NLGN1: variants seen among roughly 807,000 people sequenced by gnomAD.
NLGN1 encodes the protein neuroligin 1, also known as neuroligin-1.
A neutral mutation model predicts 65.5 loss-of-function variants in NLGN1; 12 were observed. The ratio of observed to expected loss-of-function variants is 0.18; its 90% confidence interval spans 0.12 to 0.30. The LOEUF (loss-of-function observed/expected upper bound fraction) is 0.30. NLGN1 is among the 10% of genes least tolerant of loss of function. NLGN1 has a pLI of 1.00. For missense variants in NLGN1, 750 were observed against 1,007.1 expected (o/e 0.74, Z 3.46); for synonymous variants, 350 against 359.5 (o/e 0.97, Z 0.30).
chr3:173,880,051 T>C (rs545120361), intron 4 of NLGN1, among the ~76,000 whole-genome samples: 1 of 152,294 alleles, frequency 6.6e-6, no homozygotes, highest in South Asian at 2.1e-4. Flanking sequence ...TTCTTTCTCA[T>C]CTTAAAAATA....
chr3:174,258,856 A>T (rs1307086447), intron 4 of NLGN1, among the ~76,000 whole-genome samples: 10 of 152,108 alleles, frequency 6.6e-5, no homozygotes, highest in Non-Finnish European at 1.5e-5. Context: ...AAAGAAAGGG[A>T]AGGGAGGAAA....
intron 5 of NLGN1, among the ~76,000 whole-genome samples, chr3:174,277,449 G>T (rs1032250192): frequency 6.6e-6 from 1 of 151,496 alleles, no homozygotes; most frequent in Non-Finnish European, 1.5e-5. Context: ...AATCTTTTTC[G>T]GTATATTTAG....
At chr3:174,193,370 A>C (rs1354338358) in intron 4 of NLGN1, among the ~76,000 whole-genome samples, 1 of 152,166 alleles carries the variant, frequency 6.6e-6, no homozygotes, top group Non-Finnish European at 1.5e-5. Context: ...CCCTCCTGCC[A>C]AAGTTGGGAG....
Position 174,086,183 on chromosome 3 carries a change from A to G in NLGN1, c.647-189132A>G, listed in dbSNP as rs754222183. Among the ~76,000 whole-genome samples the G allele has an allele frequency of 1.4e-3, 206 of 143,978 alleles. No homozygotes were observed. The Middle Eastern group carries it at 0.018, about 13-fold the overall frequency. The allele number at this position is 143,978 out of a possible 152,430, so 94.5% of individuals were successfully genotyped here. Reference sequence around the variant, plus strand: ...CAGGAATATTTGATGAAGTATATATATGTGTGTGTGTGTGTGTGTGTGCGT... The same window carrying G: ...CAGGAATATTTGATGAAGTATATATGTGTGTGTGTGTGTGTGTGTGTGCGT... On this transcript the variant is annotated intron_variant, in intron 4 of 6. Transcript: ENST00000457714.
chr3:173,651,673 C>A (rs1759198500), intron 3 of NLGN1, among the ~76,000 whole-genome samples: 1 of 151,988 alleles, frequency 6.6e-6, no homozygotes, highest in Non-Finnish European at 1.5e-5. Context: ...TAAGATGATA[C>A]CTCATTGTGG....
chr3:173,601,638 A>G (rs1186064493), intron 2 of NLGN1, among the ~76,000 whole-genome samples: 2 of 152,010 alleles, frequency 1.3e-5, no homozygotes, highest in African/African-American at 4.8e-5. Context: ...TAATTAATTT[A>G]TCAATATCTA....
chr3:173,416,740 A>G (rs1184908553), intron 1 of NLGN1, among the ~76,000 whole-genome samples: 1 of 152,160 alleles, frequency 6.6e-6, no homozygotes, highest in Non-Finnish European at 1.5e-5. Flanking sequence ...TGCAAATAAT[A>G]TTTGTATTCT....
At chr3:174,033,168 C>T (rs371877733) in intron 4 of NLGN1, among the ~76,000 whole-genome samples, 7 of 152,072 alleles carry the variant, frequency 4.6e-5, no homozygotes, top group South Asian at 2.1e-4. Flanking sequence ...AATAGAACAA[C>T]GGTTACAGCT....
At chr3:173,596,017 A>G (rs936277270) in intron 2 of NLGN1, among the ~76,000 whole-genome samples, 3 of 152,218 alleles carry the variant, frequency 2.0e-5, no homozygotes, top group Non-Finnish European at 4.4e-5. Context: ...GTTACCTTCC[A>G]GTAGTATTGT....
rs149005831 is a variant in NLGN1 at position 173,658,202 on chromosome 3, A to G, written c.493+53111A>G. 5.0e-4 allele frequency among the ~76,000 whole-genome samples: 76 copies of G among 152,134 alleles called. No homozygotes were observed. In the East Asian group the frequency reaches 0.011, roughly 22 times the overall value. ...TAAAACTATGAACAATCAAAGAGAT[A>G]TCGGGTCTTTGCAGATAGATGTCCT... On this transcript the variant is annotated intron_variant, in intron 3 of 6. Transcript: ENST00000457714.
intron 3 of NLGN1, among the ~76,000 whole-genome samples, chr3:173,805,922 A>G (rs542087955): frequency 5.3e-5 from 8 of 152,306 alleles, no homozygotes. Context: ...CCAGATCTTT[A>G]TAAATGAATG....
In NLGN1 at chr3:173,630,678, T is replaced by G. The variant is rs1755548172; in HGVS notation, c.493+25587T>G. Reference sequence around the variant, plus strand: ...AACTCAATCCTTTGTGAGGCCTATTTATTATCTCTTCAATGACATCTCTTA... The same window carrying G: ...AACTCAATCCTTTGTGAGGCCTATTGATTATCTCTTCAATGACATCTCTTA... On this transcript the variant is annotated intron_variant, in intron 3 of 6. Transcript: ENST00000457714. Among the ~76,000 whole-genome samples, 9 of 152,282 alleles carry G rather than the reference T, an allele frequency of 5.9e-5. No homozygotes were observed. In the South Asian group the frequency reaches 1.9e-3, roughly 32 times the overall value.
chr3:173,740,283 A>G (rs577351940), intron 3 of NLGN1, among the ~76,000 whole-genome samples: 5 of 152,236 alleles, frequency 3.3e-5, no homozygotes, highest in African/African-American at 1.2e-4. Context: ...GAACTCAGTG[A>G]TTTTGTGCTA....
intron 3 of NLGN1, among the ~76,000 whole-genome samples, chr3:173,682,608 A>AT (rs1484804975): frequency 6.6e-6 from 1 of 151,492 alleles, no homozygotes; most frequent in African/African-American, 2.4e-5. Context: ...AAAAAAAAAA[A>AT]AAAAAGGTAT....
intron 3 of NLGN1, among the ~76,000 whole-genome samples, chr3:173,716,685 A>G (rs1490359943): frequency 1.3e-5 from 2 of 152,138 alleles, no homozygotes; most frequent in African/African-American, 4.8e-5. Flanking sequence ...GATGATTATA[A>G]TGAGTTTTAG....
intron 4 of NLGN1, among the ~76,000 whole-genome samples, chr3:173,925,073 A>G (rs369743258): frequency 2.0e-5 from 3 of 152,294 alleles, no homozygotes; most frequent in African/African-American, 7.2e-5. Context: ...ACATTGAAAC[A>G]CAAAATGGAT....
intron 3 of NLGN1, among the ~76,000 whole-genome samples, chr3:173,623,482 T>C (rs963894291): frequency 2.0e-5 from 3 of 152,060 alleles, no homozygotes; most frequent in South Asian, 4.1e-4. Flanking sequence ...TTGAATAATA[T>C]AGACTTTTTG....
chr3:173,415,494 T>C (rs1392690708), intron 1 of NLGN1, among the ~76,000 whole-genome samples: 1 of 152,182 alleles, frequency 6.6e-6, no homozygotes, highest in Non-Finnish European at 1.5e-5. Context: ...AGTTGGATGA[T>C]GTAGATATAA....
chr3:173,879,987 A>C (rs905334332), intron 4 of NLGN1, among the ~76,000 whole-genome samples: 2 of 152,132 alleles, frequency 1.3e-5, no homozygotes, highest in Non-Finnish European at 2.9e-5. Context: ...AGTTCTTTAA[A>C]CTTTGTTTAA....
Sources: gnomAD v4.1 joint callset for allele counts (sites outside exome capture counted in the v4.1 genomes callset) on GRCh38, gnomAD v4.1.1 for gene constraint, MANE v1.5 for transcripts, NCBI Gene and HGNC (gene_info 2026-07-23, HGNC 2026-07-21) for gene names.